Variants in PROKR1 observed in about 807,000 individuals in gnomAD.
PROKR1 encodes prokineticin receptor 1, also known as G protein-coupled receptor 73.
A neutral mutation model predicts 22.8 loss-of-function variants in PROKR1; 21 were observed. That is an observed-to-expected ratio of 0.92 (90% CI 0.65 to 1.32). The LOEUF (loss-of-function observed/expected upper bound fraction) is 1.32, where lower values mean the gene tolerates loss of function less well. Ranked by LOEUF, PROKR1 falls within the 40% of genes most tolerant of loss-of-function variation. PROKR1 has a pLI of 0.00. For synonymous variants in PROKR1, 193 were observed against 207.5 expected (o/e 0.93, Z 0.60); for missense variants, 548 against 514.2 (o/e 1.07, Z -0.64).
rs1029908785 is a variant in PROKR1 at position 68,655,630 on chromosome 2, T to A, written c.*54T>A. On this transcript the variant is annotated 3_prime_UTR_variant, in exon 3 of 3. Coordinates refer to ENST00000303786, the MANE Select transcript of PROKR1 (RefSeq NM_138964.4). ...AAAGCAGGGTCCTGTGGACACTGACTAGTGTGCTTGGATGCACATCAACCT... is the reference window on the plus strand; with the variant it reads ...AAAGCAGGGTCCTGTGGACACTGACAAGTGTGCTTGGATGCACATCAACCT... The A allele has an allele frequency of 2.9e-5, 45 of 1,526,878 alleles. No individual in the cohort carries two copies. The highest frequency in any genetic ancestry group is 1.5e-5 in the Non-Finnish European group (17 of 1,109,820). 94.6% of individuals were successfully genotyped at this position (1,526,878 alleles called of 1,614,324 possible).
Position 68,655,016 on chromosome 2 carries a change from A to T in PROKR1, c.622A>T (p.Ile208Phe), listed in dbSNP as rs1306115820. 6.2e-7 allele frequency: 1 copy of T among 1,612,932 alleles called. No individual in the cohort carries two copies. The highest frequency in any genetic ancestry group is 1.7e-5 in the Admixed American group (1 of 59,902). Residue 208 changes from isoleucine (I) to phenylalanine (F), a missense_variant, in exon 3 of 3, where the codon ATT (isoleucine) becomes TTT (phenylalanine). Transcript: ENST00000303786. Reference sequence around the variant, plus strand: ...CTTCACCACCGAGACGGTCCTCGTCATTGTCAAGAGCCAGGAAAAGATCTT... The same window carrying T: ...CTTCACCACCGAGACGGTCCTCGTCTTTGTCAAGAGCCAGGAAAAGATCTT... The part of the protein sequence containing the change: ...AYFTTETVLV[I>F]VKSQEKIFCG...
intron 2 of PROKR1, among the ~76,000 whole-genome samples, chr2:68,647,789 C>A (rs1284490668): frequency 6.6e-6 from 1 of 152,118 alleles, no homozygotes; most frequent in African/African-American, 2.4e-5. Flanking sequence ...GGCCAAATTC[C>A]CTCCACTGAA....
At position 68,654,921 on chromosome 2, in the gene PROKR1, G is replaced by A; in HGVS notation, c.527G>A (p.Cys176Tyr). The A allele has an allele frequency of 6.2e-7, 1 of 1,613,772 alleles. No homozygotes were observed. The highest frequency in any genetic ancestry group is 8.5e-7 in the Non-Finnish European group (1 of 1,180,002). Reference sequence around the variant, plus strand: ...CATCCGCTGAGACCACGGATGAAGTGCCAAACAGCCACTGGCCTGATTGCC... The same window carrying A: ...CATCCGCTGAGACCACGGATGAAGTACCAAACAGCCACTGGCCTGATTGCC... ...IVHPLRPRMKCQTATGLIALV... is the reference protein window; with the variant it reads ...IVHPLRPRMKYQTATGLIALV... Residue 176 changes from cysteine (C) to tyrosine (Y), a missense_variant, in exon 3 of 3, where the codon TGC (cysteine) becomes TAC (tyrosine). Cys to Tyr is a radical substitution (Grantham distance 194). Transcript: ENST00000303786.
chr2:68,647,328 C>G (rs1217223513), intron 2 of PROKR1, among the ~76,000 whole-genome samples: 1 of 152,178 alleles, frequency 6.6e-6, no homozygotes, highest in East Asian at 1.9e-4. Flanking sequence ...TTTGCTAGCT[C>G]CTCTGCCCAC....
At chr2:68,652,724 T>C (rs968318539) in intron 2 of PROKR1, among the ~76,000 whole-genome samples, 2 of 152,208 alleles carry the variant, frequency 1.3e-5, no homozygotes, top group African/African-American at 4.8e-5. Context: ...CTATGTGCAG[T>C]GTCTCACTGG....
chr2:68,652,489 G>T (rs1673354319), intron 2 of PROKR1, among the ~76,000 whole-genome samples: 2 of 152,294 alleles, frequency 1.3e-5, no homozygotes, highest in African/African-American at 4.8e-5. Flanking sequence ...TGATGTCAGA[G>T]AGACCCAGAA....
At position 68,655,429 on chromosome 2, in the gene PROKR1, C is replaced by T. The variant is rs1301173074; in HGVS notation, c.1035C>T (p.Val345=). ...TCAACACTCTGTGCTTCGTGACCGT[C>T]AAGAACGACACCGTCAAGTACTTCA... ...SMINTLCFVT[V]KNDTVKYFKK... Residue 345 remains valine, a synonymous_variant, in exon 3 of 3, where the codon GTC becomes GTT. Coordinates refer to ENST00000303786, the MANE Select transcript of PROKR1 (RefSeq NM_138964.4). The T allele has an allele frequency of 6.2e-7, 1 of 1,614,032 alleles. No homozygotes were observed. The highest frequency in any genetic ancestry group is 8.5e-7 in the Non-Finnish European group (1 of 1,179,966).
rs1200430419 is a variant in PROKR1, at chr2:68,646,203, C to A, written c.382C>A (p.Leu128Ile). The change falls in exon 2 of 3, where the codon CTC becomes ATC. Residue 128 changes from leucine to isoleucine, a missense_variant. By Grantham distance (5) the Leu-to-Ile change is conservative (BLOSUM62 2). Transcript: ENST00000303786. ...FEMDYYVVRQ[L>I]SWEHGHVLCT... ...GATGGACTACTATGTGGTGCGCCAG[C>A]TCTCCTGGGAGCACGGCCACGTCCT... 1.2e-6 allele frequency: 2 copies of A among 1,610,640 alleles called. No individual in the cohort carries two copies. Among genetic ancestry groups the A allele is most frequent in the Non-Finnish European group, 1.7e-6 (2 of 1,177,828 alleles).
intron 2 of PROKR1, among the ~76,000 whole-genome samples, chr2:68,649,967 C>CA (rs1440797859): frequency 6.7e-6 from 1 of 150,038 alleles, no homozygotes; most frequent in Non-Finnish European, 1.5e-5. Context: ...TGCTTAAAAA[C>CA]AAAAAACCAA....
At chr2:68,652,863 G>C (rs1220895784) in intron 2 of PROKR1, among the ~76,000 whole-genome samples, 1 of 152,172 alleles carries the variant, frequency 6.6e-6, no homozygotes, top group Non-Finnish European at 1.5e-5. Context: ...GTGGTCTTCT[G>C]AGTCTTAGGT....
rs542155151 is a variant in PROKR1, at chr2:68,644,401, G to T, written c.-161+553G>T. ...GAGTTCTGCCTCTCCTCCCTGAGTGGGCAGAGGGCAAGGGCTGAGCCAGAC... is the reference window on the plus strand; with the variant it reads ...GAGTTCTGCCTCTCCTCCCTGAGTGTGCAGAGGGCAAGGGCTGAGCCAGAC... On this transcript the variant is annotated intron_variant, in intron 1 of 2. Coordinates refer to ENST00000303786, the MANE Select transcript of PROKR1 (RefSeq NM_138964.4). Among the ~76,000 whole-genome samples the T allele has an allele frequency of 5.3e-5, 8 of 152,204 alleles. No individual in the cohort carries two copies. The South Asian group carries it at 1.5e-3, about 28-fold the overall frequency.
At chr2:68,648,146 G>A (rs534447310) in intron 2 of PROKR1, among the ~76,000 whole-genome samples, 6 of 152,290 alleles carry the variant, frequency 3.9e-5, no homozygotes, top group African/African-American at 1.4e-4. Context: ...CTCCTGTGGA[G>A]TGGGACCCTA....
chr2:68,652,493 C>T lies in PROKR1; in HGVS notation c.486-2387C>T, dbSNP rs564334435. Among the ~76,000 whole-genome samples the T allele has an allele frequency of 3.2e-4, 49 of 152,140 alleles. 2 individuals are homozygous for T. In the South Asian group the frequency reaches 8.7e-3, roughly 27 times the overall value. Reference sequence around the variant, plus strand: ...TGGAGTTGGGGTGATGTCAGAGAGACCCAGAATGAAATGACTATCTGATAG... The same window carrying T: ...TGGAGTTGGGGTGATGTCAGAGAGATCCAGAATGAAATGACTATCTGATAG... On this transcript the variant is annotated intron_variant, in intron 2 of 2. Coordinates refer to ENST00000303786, the MANE Select transcript of PROKR1 (RefSeq NM_138964.4).
intron 2 of PROKR1, among the ~76,000 whole-genome samples, chr2:68,647,658 A>G (rs1245237897): frequency 6.6e-6 from 1 of 150,854 alleles, no homozygotes; most frequent in African/African-American, 2.5e-5. Context: ...ACCTCTGTCT[A>G]TAAAACCGCT....
chr2:68,647,023 G>C (rs1447637148), intron 2 of PROKR1, among the ~76,000 whole-genome samples: 1 of 152,082 alleles, frequency 6.6e-6, no homozygotes, highest in African/African-American at 2.4e-5. Flanking sequence ...GCTCCAGCCT[G>C]GGTGACAGAG....
chr2:68,647,830 G>A (rs1673223467), intron 2 of PROKR1, among the ~76,000 whole-genome samples: 1 of 151,930 alleles, frequency 6.6e-6, no homozygotes, highest in Admixed American at 6.6e-5. Flanking sequence ...TCATTTACCT[G>A]GAGGCCAAAT....
rs146739408 is a variant in PROKR1, at chr2:68,655,375, C to T, written c.981C>T (p.Val327=). 34 of 1,614,082 alleles carry T rather than the reference C, an allele frequency of 2.1e-5. No individual in the cohort carries two copies. Among genetic ancestry groups the T allele is most frequent in the Middle Eastern group, 1.6e-4 (1 of 6,084 alleles). The change falls in exon 3 of 3, where the codon GTC becomes GTT. Residue 327 remains valine, a synonymous_variant. Transcript: ENST00000303786. The part of the protein sequence containing the change: ...EKHYLTAFYI[V]ECIAMSNSMI... ...ACTACCTCACTGCCTTCTACATCGT[C>T]GAGTGCATCGCCATGAGCAACAGCA...
In PROKR1 at chr2:68,651,008, G is replaced by T. The variant is rs1673304319; in HGVS notation, c.486-3872G>T. 2.0e-5 allele frequency among the ~76,000 whole-genome samples: 3 copies of T among 152,196 alleles called. No individual in the cohort carries two copies. In the South Asian group the frequency reaches 6.2e-4, roughly 31 times the overall value. ...ACACAAGGACAGTAGAGATCAGAAA[G>T]AATAGAATCTATTCCAGAAGGTCTC... On this transcript the variant is annotated intron_variant, in intron 2 of 2. Coordinates refer to ENST00000303786, the MANE Select transcript of PROKR1 (RefSeq NM_138964.4).
intron 2 of PROKR1, 88 bp downstream of exon 2, chr2:68,646,394 G>T: frequency 6.5e-7 from 1 of 1,550,140 alleles, no homozygotes; most frequent in East Asian, 2.2e-5. Context: ...GTTGCAGATT[G>T]ATGAGAGGTG....
Sources: gnomAD v4.1 joint callset for allele counts (sites outside exome capture counted in the v4.1 genomes callset) on GRCh38, gnomAD v4.1.1 for gene constraint, MANE v1.5 for transcripts, NCBI Gene and HGNC (gene_info 2026-07-23, HGNC 2026-07-21) for gene names.